ANO2: variants seen among roughly 807,000 people sequenced by gnomAD.
The protein encoded by ANO2 is anoctamin-2.
In ANO2, 101 loss-of-function variants were observed where a neutral mutation model predicts 124.2. That is an observed-to-expected ratio of 0.81 (90% CI 0.69 to 0.96). ANO2 has a LOEUF of 0.96. Ranked by LOEUF, ANO2 falls within the 40% of genes least tolerant of loss-of-function variation. The pLI is 0.00. For synonymous variants in ANO2, 486 were observed against 482.5 expected, an observed-to-expected ratio of 1.01 and a Z score of -0.09; for missense variants, 1,293 against 1,274.5, an observed-to-expected ratio of 1.01 and a Z score of -0.22.
At chr12:5,633,608 G>T (rs1945846091) in intron 16 of ANO2, among the ~76,000 whole-genome samples, 2 of 152,046 alleles carry the variant, frequency 1.3e-5, no homozygotes, top group Admixed American at 1.3e-4. Context: ...AACACGTTCT[G>T]GTCAACTCCG....
At chr12:5,607,135 C>T (rs1944261035) in intron 19 of ANO2, among the ~76,000 whole-genome samples, 1 of 151,718 alleles carries the variant, frequency 6.6e-6, no homozygotes, top group African/African-American at 2.4e-5. Context: ...TCCATGTAGG[C>T]TCTGAAGGTA....
chr12:5,898,065 T>C (rs1287197775), intron 3 of ANO2, among the ~76,000 whole-genome samples: 1 of 152,180 alleles, frequency 6.6e-6, no homozygotes, highest in Admixed American at 6.5e-5. Context: ...AACCCATTTT[T>C]TTAATGGCTA....
rs973549776 is a variant in ANO2, at chr12:5,769,894, T to C, written c.1056-18924A>G. 6.6e-6 allele frequency among the ~76,000 whole-genome samples: 1 copy of C among 152,144 alleles called. No individual in the cohort carries two copies. Among genetic ancestry groups the C allele is most frequent in the South Asian group, 2.1e-4 (1 of 4,822 alleles). ...TAAGGGCAGAAAGCGTGGAGAGCAGTGTGGTCTATGTTTGAGCCTCCACTA... is the reference window on the plus strand; with the variant it reads ...TAAGGGCAGAAAGCGTGGAGAGCAGCGTGGTCTATGTTTGAGCCTCCACTA... On this transcript the variant is annotated intron_variant, in intron 10 of 24. Transcript: ENST00000682330. This position sits in a 1 kb window ranked among gnomAD's most constrained non-coding sequence, Gnocchi z 4.0.
At chr12:5,625,983 G>A (rs1945379070) in intron 16 of ANO2, among the ~76,000 whole-genome samples, 1 of 152,196 alleles carries the variant, frequency 6.6e-6, no homozygotes, top group Non-Finnish European at 1.5e-5. Flanking sequence ...CAAGCATGGT[G>A]TAAGGGCTCA....
At chr12:5,720,392 C>T (rs1442128745) in intron 14 of ANO2, among the ~76,000 whole-genome samples, 1 of 152,154 alleles carries the variant, frequency 6.6e-6, no homozygotes, top group Non-Finnish European at 1.5e-5. Context: ...AGCAAGGGAA[C>T]CTGGAGGGCA....
intron 3 of ANO2, among the ~76,000 whole-genome samples, chr12:5,881,009 G>T (rs1938465603): frequency 6.6e-6 from 1 of 152,072 alleles, no homozygotes; most frequent in South Asian, 2.1e-4. Context: ...TCCTCATGAT[G>T]GACTGGATTT....
At chr12:5,836,703 T>C (rs1350991060) in intron 4 of ANO2, 2 of 154,326 alleles carry the variant, frequency 1.3e-5, no homozygotes, top group East Asian at 1.9e-4. Flanking sequence ...CTCGCCCCTA[T>C]GGCTCCCACC....
rs573968256 is a variant in ANO2 at position 5,730,678 on chromosome 12, G to A, written c.1545+1842C>T. On this transcript the variant is annotated intron_variant, in intron 14 of 24. Coordinates refer to ENST00000682330, the MANE Select transcript of ANO2 (RefSeq NM_001364791.2). ...TGACTACAACTCTTCCTGCAGACAA[G>A]AGCAGCATCCACCTTTATCTCCCAC... 2.0e-5 allele frequency among the ~76,000 whole-genome samples: 3 copies of A among 152,326 alleles called. No individual in the cohort carries two copies. The East Asian group carries it at 5.8e-4, about 29-fold the overall frequency.
At chr12:5,919,915 T>C (rs978972328) in intron 3 of ANO2, among the ~76,000 whole-genome samples, 1 of 151,960 alleles carries the variant, frequency 6.6e-6, no homozygotes, top group African/African-American at 2.4e-5. Flanking sequence ...GCCAGAATGA[T>C]CTCGATCTCC....
intron 23 of ANO2, among the ~76,000 whole-genome samples, chr12:5,572,369 G>C (rs1270008779): frequency 6.6e-6 from 1 of 152,086 alleles, no homozygotes; most frequent in African/African-American, 2.4e-5. Flanking sequence ...ATGGCCACAT[G>C]AGTGAGGAGT....
At chr12:5,790,429 C>T (rs1401497889) in intron 10 of ANO2, among the ~76,000 whole-genome samples, 1 of 152,156 alleles carries the variant, frequency 6.6e-6, no homozygotes, top group Non-Finnish European at 1.5e-5. Flanking sequence ...CTTCTCAAGC[C>T]ACTCATCTGC....
In ANO2 at chr12:5,578,341, T is replaced by C. The variant is rs1239115787; in HGVS notation, c.2386+25A>G. 3 of 1,607,712 alleles carry C rather than the reference T, an allele frequency of 1.9e-6. No individual in the cohort carries two copies. In the South Asian group the frequency reaches 3.3e-5, roughly 18 times the overall value. The stretch of plus-strand genomic sequence containing the variant: ...CAGAATGGCAGAAGGATGGGCCTGG[T>C]GGGGCCTCTAAGTGGGGCACGTACC... On this transcript the variant is annotated intron_variant, in intron 21 of 24. Coordinates refer to ENST00000682330, the MANE Select transcript of ANO2 (RefSeq NM_001364791.2).
At chr12:5,931,430 A>G (rs1247454672) in intron 1 of ANO2, among the ~76,000 whole-genome samples, 1 of 152,266 alleles carries the variant, frequency 6.6e-6, no homozygotes, top group East Asian at 1.9e-4. Flanking sequence ...TTAAAGCTAA[A>G]CAGAATGTGG....
intron 15 of ANO2, among the ~76,000 whole-genome samples, chr12:5,647,178 G>A (rs969490902): frequency 6.6e-5 from 10 of 152,202 alleles, no homozygotes; most frequent in African/African-American, 1.7e-4. Context: ...TGCTGGCAAC[G>A]AAGAATGAAC....
At chr12:5,917,702 C>T (rs1941465130) in intron 3 of ANO2, among the ~76,000 whole-genome samples, 3 of 151,404 alleles carry the variant, frequency 2.0e-5, no homozygotes, top group Non-Finnish European at 2.9e-5. Flanking sequence ...AGAGTAGCTG[C>T]GACTACAGAT....
intron 15 of ANO2, 96 bp downstream of exon 15, chr12:5,647,631 T>G (rs1946710651): frequency 9.6e-7 from 1 of 1,041,056 alleles, no homozygotes; most frequent in African/African-American, 1.6e-5. Context: ...TACCAGCCTC[T>G]CATTATTTCC....
At chr12:5,861,573 C>A (rs1477724407) in intron 3 of ANO2, among the ~76,000 whole-genome samples, 1 of 152,206 alleles carries the variant, frequency 6.6e-6, no homozygotes, top group Non-Finnish European at 1.5e-5. Flanking sequence ...TCCTTCCCCA[C>A]AGCCCTGCCA....
chr12:5,704,757 T>C (rs937562469), intron 14 of ANO2, among the ~76,000 whole-genome samples: 4 of 151,944 alleles, frequency 2.6e-5, no homozygotes, highest in Non-Finnish European at 4.4e-5. Flanking sequence ...ATATTCCCAA[T>C]TGTGCCCCAT....
intron 3 of ANO2, among the ~76,000 whole-genome samples, chr12:5,868,718 C>T (rs149823808): frequency 2.0e-5 from 3 of 152,302 alleles, no homozygotes; most frequent in African/African-American, 7.2e-5. Context: ...CTATGCAGCC[C>T]AAACATGCTT....
Sources: gnomAD v4.1 joint callset for allele counts (sites outside exome capture counted in the v4.1 genomes callset) on GRCh38, gnomAD v4.1.1 for gene constraint, Gnocchi (gnomAD v3.1) non-coding constraint, MANE v1.5 for transcripts, NCBI Gene and HGNC (gene_info 2026-07-23, HGNC 2026-07-21) for gene names.